The following PAGE2B variants were observed in gnomAD, a reference collection of about 807,000 sequenced individuals.
PAGE2B encodes PAGE family member 2B, also known as putative G antigen family E member 3.
PAGE2B carries 5 observed loss-of-function variants against 7.6 expected under a neutral mutation model. That is an observed-to-expected ratio of 0.66 (90% CI 0.34 to 1.38). The LOEUF is 1.38. Among genes scored for constraint, PAGE2B ranks in the 40% most tolerant of loss-of-function variants. The pLI is 0.04. For missense variants in PAGE2B, 70 were observed against 78.4 expected, an observed-to-expected ratio of 0.89 and a Z score of 0.41; for synonymous variants, 29 against 26.7, an observed-to-expected ratio of 1.09 and a Z score of -0.27.
chrX:55,041,563 C>G, the PAGE2B span, among the ~76,000 whole-genome samples: 1 of 111,566 alleles, frequency 9.0e-6, no homozygotes, highest in Non-Finnish European at 1.9e-5. Context: ...TGGAAAAAAC[C>G]CAACTGAATT....
upstream of PAGE2B, among the ~76,000 whole-genome samples, chrX:55,072,888 G>A (rs773046710): frequency 9.0e-4 from 100 of 111,630 alleles, no homozygotes; most frequent in Admixed American, 9.3e-3. Flanking sequence ...ACCTTCTCAA[G>A]CCTCAGTAAT....
the PAGE2B span, among the ~76,000 whole-genome samples, chrX:55,038,165 A>T: frequency 9.0e-6 from 1 of 111,124 alleles, no homozygotes; most frequent in African/African-American, 3.3e-5. Flanking sequence ...CACCCAAGAA[A>T]ACCTGGAAAG....
chrX:55,037,930 T>G, the PAGE2B span, among the ~76,000 whole-genome samples: 1 of 100,338 alleles, frequency 1.0e-5, no homozygotes, highest in Admixed American at 1.1e-4. Context: ...AGGGATAGCA[T>G]TAGGAGATAT....
At chrX:55,069,651 C>T in the PAGE2B span, among the ~76,000 whole-genome samples, 410 of 111,379 alleles carry the variant, frequency 3.7e-3, 1 homozygote, top group African/African-American at 0.012. Context: ...TGGTAGAATT[C>T]GGCTGTGAAT....
chrX:55,060,460 A>C, the PAGE2B span, among the ~76,000 whole-genome samples: 22 of 111,452 alleles, frequency 2.0e-4, no homozygotes, highest in African/African-American at 6.8e-4. Context: ...GCCCATTTTT[A>C]AATCAGGTTA....
chrX:55,050,343 G>A, the PAGE2B span, among the ~76,000 whole-genome samples: 2 of 110,768 alleles, frequency 1.8e-5, no homozygotes, highest in Non-Finnish European at 3.8e-5. Flanking sequence ...GCAGAGCTGA[G>A]TTCAATTCCT....
the PAGE2B span, among the ~76,000 whole-genome samples, chrX:55,040,890 A>G: frequency 1.8e-5 from 2 of 110,951 alleles, no homozygotes; most frequent in Admixed American, 9.6e-5. Context: ...TCTTCCCCCA[A>G]ATCTGAACCT....
upstream of PAGE2B, among the ~76,000 whole-genome samples, chrX:55,070,391 G>T (rs965215292): frequency 8.9e-6 from 1 of 112,159 alleles, no homozygotes; most frequent in Non-Finnish European, 1.9e-5. Context: ...TTGCACTGTG[G>T]TCTGAGAGAC....
At chrX:55,054,437 A>G in the PAGE2B span, among the ~76,000 whole-genome samples, 1 of 112,296 alleles carries the variant, frequency 8.9e-6, no homozygotes, top group Non-Finnish European at 1.9e-5. Context: ...AATGTAAAGT[A>G]TCCACTTTGA....
chrX:55,033,660 G>A, the PAGE2B span, among the ~76,000 whole-genome samples: 1 of 111,717 alleles, frequency 9.0e-6, no homozygotes, highest in South Asian at 3.8e-4. Context: ...CAGAGTCTAG[G>A]TCTGATTCAT....
At chrX:55,046,009 G>A in the PAGE2B span, among the ~76,000 whole-genome samples, 3 of 111,894 alleles carry the variant, frequency 2.7e-5, no homozygotes, top group Non-Finnish European at 3.8e-5. Flanking sequence ...AAATCATAGA[G>A]GCACGGAGGA....
the PAGE2B span, among the ~76,000 whole-genome samples, chrX:55,032,673 T>C: frequency 9.0e-6 from 1 of 111,729 alleles, no homozygotes; most frequent in African/African-American, 3.3e-5. Context: ...ATAATATTAA[T>C]ATTAACTCCT....
the PAGE2B span, among the ~76,000 whole-genome samples, chrX:55,051,365 G>C: frequency 9.0e-6 from 1 of 111,542 alleles, no homozygotes; most frequent in Non-Finnish European, 1.9e-5. Flanking sequence ...TGCCTTGCTA[G>C]ATTGGGGAAG....
the PAGE2B span, among the ~76,000 whole-genome samples, chrX:55,046,239 G>C: frequency 9.0e-6 from 1 of 111,346 alleles, no homozygotes; most frequent in Admixed American, 9.6e-5. Flanking sequence ...TCAGCCTCCT[G>C]AGTAGCTGGG....
the PAGE2B span, among the ~76,000 whole-genome samples, chrX:55,036,707 A>G: frequency 2.7e-5 from 3 of 109,909 alleles, no homozygotes; most frequent in African/African-American, 1.0e-4. Context: ...ACAGAGATAT[A>G]GATCAATGGA....
upstream of PAGE2B, among the ~76,000 whole-genome samples, chrX:55,073,162 C>A (rs1176465715): frequency 1.8e-5 from 2 of 111,938 alleles, no homozygotes; most frequent in African/African-American, 6.5e-5. Flanking sequence ...GCCCGAACAA[C>A]TGCCCAGTTT....
chrX:55,074,642 CA>C (rs1285420091), upstream of PAGE2B, among the ~76,000 whole-genome samples: 1 of 112,045 alleles, frequency 8.9e-6, no homozygotes, highest in African/African-American at 3.2e-5. Context: ...TAGACAATTG[CA>C]AGCATGACAG....
At chrX:55,036,366 C>G in the PAGE2B span, among the ~76,000 whole-genome samples, 1 of 111,058 alleles carries the variant, frequency 9.0e-6, no homozygotes, top group Admixed American at 9.6e-5. Flanking sequence ...AGAGGGCATC[C>G]CTGTCTTGTG....
chrX:55,061,903 C>T, the PAGE2B span, among the ~76,000 whole-genome samples: 6 of 111,591 alleles, frequency 5.4e-5, no homozygotes, highest in Non-Finnish European at 7.5e-5. Flanking sequence ...CCAGTTCCAT[C>T]CATGTTGCTG....
Sources: gnomAD v4.1 joint callset for allele counts (sites outside exome capture counted in the v4.1 genomes callset) on GRCh38, gnomAD v4.1.1 for gene constraint, MANE v1.5 for transcripts, NCBI Gene and HGNC (gene_info 2026-07-23, HGNC 2026-07-21) for gene names.